Variants in STX18 observed in about 807,000 individuals in gnomAD.
The protein encoded by STX18 is syntaxin-18.
STX18 carries 40 observed loss-of-function variants against 50.1 expected under a neutral mutation model. The observed-to-expected ratio is 0.80, with a 90% CI of 0.62 to 1.04. The LOEUF is 1.04. Ranked by LOEUF, STX18 falls within the 50% of genes least tolerant of loss-of-function variation. The probability of loss-of-function intolerance (pLI) is 0.00; values close to 1 mark genes in which losing one functional copy is unlikely to be tolerated. For synonymous variants in STX18, 158 were observed against 151.8 expected (o/e 1.04, Z -0.30); for missense variants, 410 against 415.8 (o/e 0.99, Z 0.12).
intron 2 of STX18, among the ~76,000 whole-genome samples, chr4:4,468,222 A>G (rs976767138): frequency 6.6e-6 from 1 of 152,168 alleles, no homozygotes; most frequent in Admixed American, 6.5e-5. Flanking sequence ...ACAGCCTTGA[A>G]ACGTACTTTC....
intron 1 of STX18, among the ~76,000 whole-genome samples, chr4:4,480,587 C>T (rs571300075): frequency 3.3e-5 from 5 of 152,200 alleles, no homozygotes; most frequent in Non-Finnish European, 7.3e-5. Context: ...GCTGCTGAGG[C>T]GTCTGCCTAG....
At chr4:4,523,530 ACTAC>A (rs764801468) in intron 1 of STX18, among the ~76,000 whole-genome samples, 1 of 152,188 alleles carries the variant, frequency 6.6e-6, no homozygotes, top group Non-Finnish European at 1.5e-5. Context: ...ACTCATCTTA[ACTAC>A]CTACCTATCA....
Position 4,438,489 on chromosome 4 carries a change from G to A in STX18, c.518C>T (p.Pro173Leu). The change falls in exon 6 of 11, where the codon CCA (proline) becomes CTA (leucine). Residue 173 changes from proline (P) to leucine (L), a missense_variant. By Grantham distance (98) the Pro-to-Leu change is moderately conservative. Transcript: ENST00000306200. Reference sequence around the variant, plus strand: ...TGTGGATTCTCTTGTCTTTGTATTTGGTTCTGGTTCCAGCTTAGATCTAAA... The same window carrying A: ...TGTGGATTCTCTTGTCTTTGTATTTAGTTCTGGTTCCAGCTTAGATCTAAA... ...KKRLSKLEPE[P>L]NTKTRESTSS... 1 of 1,613,150 alleles carries A rather than the reference G, an allele frequency of 6.2e-7. No individual in the cohort carries two copies. Among genetic ancestry groups the A allele is most frequent in the South Asian group, 1.1e-5 (1 of 90,968 alleles).
At chr4:4,426,594 T>TC (rs1725251388) in intron 7 of STX18, 1 of 147,602 alleles carries the variant, frequency 6.8e-6, no homozygotes, top group Admixed American at 6.7e-5. Flanking sequence ...CCAGGACCCC[T>TC]CCCCTCCAAG....
chr4:4,512,116 A>C lies in STX18; in HGVS notation c.168+29681T>G, dbSNP rs576318923. Among the ~76,000 whole-genome samples the C allele has an allele frequency of 2.0e-5, 3 of 152,108 alleles. 1 individual carries two copies. The highest frequency in any genetic ancestry group is 1.3e-4 in the Admixed American group (2 of 15,258). ...CGAGCCACTGGTTTAAATGATCAAA[A>C]GATGGGAACGGCAAGGATACAGCTA... On this transcript the variant is annotated intron_variant, in intron 1 of 10. Coordinates refer to ENST00000306200, the MANE Select transcript of STX18 (RefSeq NM_016930.4).
chr4:4,449,783 CATTT>C (rs1048598232), intron 5 of STX18, among the ~76,000 whole-genome samples: 3 of 152,170 alleles, frequency 2.0e-5, no homozygotes, highest in African/African-American at 7.2e-5. Context: ...TCAATTTATT[CATTT>C]ATTTATTCCT....
chr4:4,463,649 CA>C (rs1297031795), intron 2 of STX18, among the ~76,000 whole-genome samples: 1 of 152,192 alleles, frequency 6.6e-6, no homozygotes, highest in Non-Finnish European at 1.5e-5. Flanking sequence ...AAAGAAGCTA[CA>C]AATTGAGAGC....
At chr4:4,512,881 T>C (rs1730064630) in intron 1 of STX18, among the ~76,000 whole-genome samples, 1 of 152,140 alleles carries the variant, frequency 6.6e-6, no homozygotes, top group Non-Finnish European at 1.5e-5. Context: ...GGGCTATTAA[T>C]AAAATATACT....
At chr4:4,447,435 C>T (rs1210198754) in intron 5 of STX18, among the ~76,000 whole-genome samples, 1 of 150,940 alleles carries the variant, frequency 6.6e-6, no homozygotes, top group Non-Finnish European at 1.5e-5. Context: ...TAAAAAAATA[C>T]AAAAAATTAG....
At chr4:4,500,709 T>C (rs1729410213) in intron 1 of STX18, among the ~76,000 whole-genome samples, 1 of 152,236 alleles carries the variant, frequency 6.6e-6, no homozygotes, top group Non-Finnish European at 1.5e-5. Context: ...AAAAATTACC[T>C]TCAATGGCTA....
chr4:4,421,947 G>A (rs1245121782), intron 9 of STX18, among the ~76,000 whole-genome samples: 1 of 152,110 alleles, frequency 6.6e-6, no homozygotes, highest in Non-Finnish European at 1.5e-5. Flanking sequence ...GGTGCTAGAC[G>A]TCCTTACAAG....
intron 1 of STX18, among the ~76,000 whole-genome samples, chr4:4,532,186 T>C (rs1291588405): frequency 2.0e-5 from 3 of 152,218 alleles, no homozygotes; most frequent in Non-Finnish European, 4.4e-5. Context: ...TGTAGAAGAA[T>C]CTTGATTTTA....
At chr4:4,454,797 A>G (rs1240208007) in intron 5 of STX18, among the ~76,000 whole-genome samples, 1 of 152,240 alleles carries the variant, frequency 6.6e-6, no homozygotes, top group Non-Finnish European at 1.5e-5. Flanking sequence ...AAATTTGCTG[A>G]GCCCCAATAT....
At chr4:4,529,540 G>C (rs1282438953) in intron 1 of STX18, among the ~76,000 whole-genome samples, 1 of 151,964 alleles carries the variant, frequency 6.6e-6, no homozygotes, top group African/African-American at 2.4e-5. Flanking sequence ...CAAATCCCCA[G>C]AGGCGTGGTC....
At chr4:4,501,736 G>C (rs774902177) in intron 1 of STX18, among the ~76,000 whole-genome samples, 13 of 152,096 alleles carry the variant, frequency 8.5e-5, no homozygotes, top group Non-Finnish European at 1.5e-4. Context: ...ACAATAACTC[G>C]GCAAATTGGA....
At chr4:4,449,325 A>T (rs1726621513) in intron 5 of STX18, among the ~76,000 whole-genome samples, 2 of 152,086 alleles carry the variant, frequency 1.3e-5, no homozygotes, top group South Asian at 4.1e-4. Flanking sequence ...TGCTGGGATT[A>T]TAGGTGTGAG....
intron 1 of STX18, among the ~76,000 whole-genome samples, chr4:4,485,753 T>C (rs763851440): frequency 6.6e-6 from 1 of 152,166 alleles, no homozygotes; most frequent in Non-Finnish European, 1.5e-5. Context: ...CCTCCTACCA[T>C]TAGGTTTCTG....
rs907176404 is a variant in STX18, at chr4:4,504,099, A to T, written c.169-32393T>A. 3.9e-5 allele frequency among the ~76,000 whole-genome samples: 6 copies of T among 152,226 alleles called. 1 individual carries two copies. The highest frequency in any genetic ancestry group is 3.9e-4 in the Admixed American group (6 of 15,280). Reference sequence around the variant, plus strand: ...AACACGTATTTACAAATAAAATTCTATGAAGCAAAAACATAAGCATACCAT... The same window carrying T: ...AACACGTATTTACAAATAAAATTCTTTGAAGCAAAAACATAAGCATACCAT... On this transcript the variant is annotated intron_variant, in intron 1 of 10. Coordinates refer to ENST00000306200, the MANE Select transcript of STX18 (RefSeq NM_016930.4).
intron 1 of STX18, among the ~76,000 whole-genome samples, chr4:4,537,793 T>C (rs7686713): frequency 0.22 from 33,413 of 152,118 alleles, 4,050 homozygotes; most frequent in African/African-American, 0.33. Context: ...CCCAAGTTCA[T>C]ATAACAGATA....
Sources: allele counts gnomAD v4.1 joint callset (sites outside exome capture counted in the v4.1 genomes callset), GRCh38; gene constraint gnomAD v4.1.1; transcripts MANE v1.5; gene names NCBI Gene and HGNC (gene_info 2026-07-23, HGNC 2026-07-21).